ZNF730: variants seen among roughly 807,000 people sequenced by gnomAD.
ZNF730 encodes the protein putative zinc finger protein 730.
In ZNF730, 12 loss-of-function variants were observed where a neutral mutation model predicts 12.6. The ratio of observed to expected loss-of-function variants is 0.95; its 90% CI spans 0.61 to 1.54. The LOEUF (loss-of-function observed/expected upper bound fraction) is 1.54. ZNF730 is among the 40% of genes most tolerant of loss of function. The probability of loss-of-function intolerance (pLI) is 0.00; values close to 1 mark genes in which losing one functional copy is unlikely to be tolerated. For missense variants in ZNF730, 643 were observed against 583.5 expected, an observed-to-expected ratio of 1.10 and a Z score of -1.05; for synonymous variants, 194 against 195.8, an observed-to-expected ratio of 0.99 and a Z score of 0.08.
chr19:23,117,159 C>T lies in ZNF730; in HGVS notation c.-15C>T, dbSNP rs1195766832. ...ATCCACAGCTAAGACGCCAGGGCCC[C>T]CTGGAAGCCTAGAAATGGTGAGAGT... On this transcript the variant is annotated 5_prime_UTR_variant, in exon 1 of 4. Coordinates refer to ENST00000597761, the MANE Select transcript of ZNF730 (RefSeq NM_001277403.2). The T allele has an allele frequency of 5.0e-6, 8 of 1,613,930 alleles. No homozygotes were observed. The highest frequency in any genetic ancestry group is 6.8e-6 in the Non-Finnish European group (8 of 1,179,828).
intron 1 of ZNF730, among the ~76,000 whole-genome samples, chr19:23,077,887 A>C (rs1599560443): frequency 1.3e-5 from 2 of 152,336 alleles, no homozygotes; most frequent in Middle Eastern, 3.4e-3. Flanking sequence ...CCCTGTGCTC[A>C]CAGAGACAAG....
chr19:23,128,859 G>A (rs151179280), intron 1 of ZNF730, among the ~76,000 whole-genome samples: 26 of 152,258 alleles, frequency 1.7e-4, no homozygotes, highest in African/African-American at 5.5e-4. Flanking sequence ...AGAAAAAGAC[G>A]GCTTTGTGGG....
intron 1 of ZNF730, among the ~76,000 whole-genome samples, chr19:23,101,609 C>CT (rs1276770695): frequency 1.3e-5 from 2 of 152,222 alleles, no homozygotes; most frequent in Non-Finnish European, 2.9e-5. Context: ...TGACATATCG[C>CT]TTGACTCTGC....
chr19:23,133,159 CCTT>C lies in ZNF730; in HGVS notation c.4-917_4-915del, dbSNP rs147123577. Among the ~76,000 whole-genome samples the C allele has an allele frequency of 9.0e-3, 1,375 of 152,190 alleles. 28 individuals carry two copies. Among genetic ancestry groups the C allele is most frequent in the African/African-American group, 0.032 (1,320 of 41,512 alleles). On this transcript the variant is annotated intron_variant, in intron 1 of 3. Transcript: ENST00000597761. ...CCATCACATTTAATCTGGCAGCTGC[CCTT>C]CTTATGTTTTCTTTGCCTTTATCTG... is the stretch of plus-strand genomic sequence containing the variant.
chr19:23,133,976 A>T, intron 1 of ZNF730, 104 bp from the exon 2 acceptor site: 2 of 1,417,200 alleles, frequency 1.4e-6, no homozygotes, highest in South Asian at 1.3e-5. Flanking sequence ...AGTCACCCCT[A>T]TAAGTAAGAC....
rs953094383 is a variant in ZNF730 at position 23,117,158 on chromosome 19, C to G, written c.-16C>G. On this transcript the variant is annotated 5_prime_UTR_variant, in exon 1 of 4. Transcript: ENST00000597761. Reference sequence around the variant, plus strand: ...GATCCACAGCTAAGACGCCAGGGCCCCCTGGAAGCCTAGAAATGGTGAGAG... The same window carrying G: ...GATCCACAGCTAAGACGCCAGGGCCGCCTGGAAGCCTAGAAATGGTGAGAG... 1.2e-6 allele frequency: 2 copies of G among 1,613,910 alleles called. No homozygotes were observed. The highest frequency in any genetic ancestry group is 1.7e-6 in the Non-Finnish European group (2 of 1,179,814).
At chr19:23,101,953 C>T (rs947849410) in intron 1 of ZNF730, among the ~76,000 whole-genome samples, 1 of 152,114 alleles carries the variant, frequency 6.6e-6, no homozygotes, top group South Asian at 2.1e-4. Context: ...ATTTCTAAGC[C>T]CTTCACTCAG....
At chr19:23,078,086 T>G (rs927650555) in intron 1 of ZNF730, among the ~76,000 whole-genome samples, 2 of 152,072 alleles carry the variant, frequency 1.3e-5, no homozygotes, top group South Asian at 4.2e-4. Context: ...CCAAGGTTTT[T>G]CCCCATGTGA....
intron 1 of ZNF730, among the ~76,000 whole-genome samples, chr19:23,132,700 T>C (rs1382801673): frequency 6.6e-6 from 1 of 152,194 alleles, no homozygotes; most frequent in Admixed American, 6.5e-5. Context: ...GTTGAGGTTC[T>C]GTCTGTGTTC....
intron 3 of ZNF730, among the ~76,000 whole-genome samples, chr19:23,141,959 A>T (rs1970928060): frequency 6.6e-6 from 1 of 151,834 alleles, no homozygotes; most frequent in African/African-American, 2.4e-5. Flanking sequence ...CAATAATTAT[A>T]TTGCTCTCTA....
At chr19:23,136,356 C>G (rs1970832386) in intron 3 of ZNF730, among the ~76,000 whole-genome samples, 1 of 152,134 alleles carries the variant, frequency 6.6e-6, no homozygotes, top group Non-Finnish European at 1.5e-5. Context: ...TGGAAACACA[C>G]AGATATTTGA....
intron 1 of ZNF730, among the ~76,000 whole-genome samples, chr19:23,126,380 G>A (rs1970667663): frequency 1.3e-5 from 2 of 152,200 alleles, no homozygotes; most frequent in African/African-American, 4.8e-5. Context: ...ACACAGTGCG[G>A]CATTACACCA....
chr19:23,098,345 G>A (rs140190725), intron 1 of ZNF730: 40 of 152,258 alleles, frequency 2.6e-4, no homozygotes, highest in African/African-American at 8.9e-4. Flanking sequence ...CCTAGGTTAT[G>A]TGAATCCTCT....
At chr19:23,095,073 C>G in intron 1 of ZNF730, 1 of 294,898 alleles carries the variant, frequency 3.4e-6, no homozygotes, top group Non-Finnish European at 6.2e-6. Flanking sequence ...ATGATTTTAC[C>G]CAGCACCAGA....
intron 1 of ZNF730, among the ~76,000 whole-genome samples, chr19:23,132,455 T>C (rs894507524): frequency 1.3e-5 from 2 of 151,552 alleles, no homozygotes; most frequent in Non-Finnish European, 2.9e-5. Flanking sequence ...AACTACGTTT[T>C]AAAATTCTTA....
intron 1 of ZNF730, among the ~76,000 whole-genome samples, chr19:23,111,473 A>G (rs1262184203): frequency 1.3e-5 from 2 of 152,204 alleles, no homozygotes; most frequent in Non-Finnish European, 1.5e-5. Flanking sequence ...TAGGCTGGGC[A>G]TGGTGGCTTA....
intron 1 of ZNF730, among the ~76,000 whole-genome samples, chr19:23,093,762 C>T (rs1401343691): frequency 6.6e-6 from 1 of 152,216 alleles, no homozygotes; most frequent in Non-Finnish European, 1.5e-5. Context: ...AGCCCTTCCT[C>T]CTCTTTCCAC....
intron 1 of ZNF730, among the ~76,000 whole-genome samples, chr19:23,133,050 A>G (rs920302886): frequency 6.6e-6 from 1 of 152,218 alleles, no homozygotes; most frequent in African/African-American, 2.4e-5. Context: ...TCACTTGATT[A>G]ATGAAGCTGA....
intron 1 of ZNF730, among the ~76,000 whole-genome samples, chr19:23,109,662 C>G (rs962131867): frequency 6.6e-6 from 1 of 152,098 alleles, no homozygotes; most frequent in African/African-American, 2.4e-5. Flanking sequence ...CTGAGCCCGC[C>G]TCAGGCTCCC....
Sources: allele counts gnomAD v4.1 joint callset (sites outside exome capture counted in the v4.1 genomes callset), GRCh38; gene constraint gnomAD v4.1.1; transcripts MANE v1.5; gene names NCBI Gene and HGNC (gene_info 2026-07-23, HGNC 2026-07-21).